ADH6: variants seen among roughly 807,000 people sequenced by gnomAD.
ADH6 encodes the protein alcohol dehydrogenase 6.
Under a neutral mutation model 36.5 loss-of-function variants are expected in ADH6, and 34 were observed. That is an observed-to-expected ratio of 0.93 (90% CI 0.71 to 1.24). The LOEUF is 1.24. Among genes scored for constraint, ADH6 ranks in the 50% most tolerant of loss-of-function variants. ADH6 has a pLI of 0.00. For missense variants in ADH6, 440 were observed against 447.0 expected (o/e 0.98, Z 0.14); for synonymous variants, 161 against 155.5 (o/e 1.04, Z -0.26).
intron 7 of ADH6, among the ~76,000 whole-genome samples, chr4:99,206,119 T>C (rs926624562): frequency 6.6e-6 from 1 of 152,070 alleles, no homozygotes; most frequent in Non-Finnish European, 1.5e-5. Context: ...TTCAACCAAA[T>C]GACATAGGAA....
intron 3 of ADH6, among the ~76,000 whole-genome samples, chr4:99,213,354 T>C (rs1448826300): frequency 1.3e-5 from 2 of 152,180 alleles, no homozygotes; most frequent in Admixed American, 6.6e-5. Context: ...TTTTGTCTCA[T>C]TTGTACTTTC....
In ADH6 at chr4:99,204,129, G is replaced by T; in HGVS notation, c.*90C>A. 6.9e-7 allele frequency: 1 copy of T among 1,443,752 alleles called. No individual in the cohort carries two copies. 89.4% of individuals were successfully genotyped at this position (1,443,752 alleles called of 1,614,324 possible). On this transcript the variant is annotated 3_prime_UTR_variant, in exon 9 of 9. Transcript: ENST00000394899. ...AAGTCAGAATATAGAAATGGGATTG[G>T]GTGAATAATTCTTCTAAATCATGAA...
intron 7 of ADH6, 144 bp downstream of exon 7, chr4:99,207,302 A>T: frequency 9.8e-7 from 1 of 1,015,938 alleles, no homozygotes; most frequent in Non-Finnish European, 1.4e-6. Flanking sequence ...CCATCCCTTT[A>T]TATTGGGTAT....
intron 1 of ADH6, 98 bp from the exon 2 acceptor site, chr4:99,216,360 G>C (rs1328677388): frequency 3.1e-6 from 2 of 654,916 alleles, no homozygotes; most frequent in Non-Finnish European, 4.7e-6. Flanking sequence ...AATTGGATTA[G>C]TCCAACTTTC....
At chr4:99,211,135 T>G (rs1182901090) in intron 3 of ADH6, among the ~76,000 whole-genome samples, 4 of 150,802 alleles carry the variant, frequency 2.7e-5, no homozygotes, top group Non-Finnish European at 5.9e-5. Flanking sequence ...GAAGATTTAG[T>G]TTCTTCTATT....
At chr4:99,207,640 C>T in intron 6 of ADH6, 59 bp from the exon 7 acceptor site, 2 of 1,539,718 alleles carry the variant, frequency 1.3e-6, no homozygotes, top group Non-Finnish European at 1.8e-6. Flanking sequence ...AGGATTGAGC[C>T]TACATCTTAA....
In ADH6 at chr4:99,213,711, C is replaced by G; in HGVS notation, c.157G>C (p.Val53Leu). The change falls in exon 3 of 9, where the codon GTG (valine) becomes CTG (leucine). Residue 53 changes from valine (V) to leucine (L), a missense_variant. Physicochemically the swap from Val to Leu is conservative, Grantham distance 32. Coordinates refer to ENST00000394899, the MANE Select transcript of ADH6 (RefSeq NM_001102470.2). ...ATGLCGTEMK[V>L]LGSKHLDLLY... ...AGGTCCAAGTGTTTACTCCCCAACA[C>G]TTTCATCTCTGTACCACACAGTCCG... 1 of 1,613,882 alleles carries G rather than the reference C, an allele frequency of 6.2e-7. No individual in the cohort carries two copies. The highest frequency in any genetic ancestry group is 1.7e-5 in the Admixed American group (1 of 59,946).
chr4:99,219,125 C>T lies in ADH6; in HGVS notation c.18+10G>A. On this transcript the variant is annotated intron_variant, in intron 1 of 8. Transcript: ENST00000394899. ...ATATGACACAACATAAAGAATAAGA[C>T]TGCACCTACTTGGCCTGTAGTACTC... 1 of 1,610,502 alleles carries T rather than the reference C, an allele frequency of 6.2e-7. No homozygotes were observed. The highest frequency in any genetic ancestry group is 8.5e-7 in the Non-Finnish European group (1 of 1,176,876).
intron 5 of ADH6, among the ~76,000 whole-genome samples, chr4:99,209,280 C>T (rs1238708809): frequency 6.6e-6 from 1 of 151,952 alleles, no homozygotes; most frequent in Non-Finnish European, 1.5e-5. Context: ...TATCTTCCTA[C>T]AACCATTTCT....
chr4:99,207,313 T>G, intron 7 of ADH6, 133 bp downstream of exon 7: 1 of 1,162,524 alleles, frequency 8.6e-7, no homozygotes, highest in Non-Finnish European at 1.2e-6. Context: ...TATTGGGTAT[T>G]CATATGTTGA....
chr4:99,218,209 C>T (rs4699734), intron 1 of ADH6, among the ~76,000 whole-genome samples: 13,755 of 152,160 alleles, frequency 0.09, 978 homozygotes, highest in Admixed American at 0.23. Flanking sequence ...CCTTCCACCA[C>T]GCTCTAGTGG....
intron 2 of ADH6, 60 bp from the exon 3 acceptor site, chr4:99,213,807 TTGTTGAC>T: frequency 7.0e-7 from 1 of 1,424,082 alleles, no homozygotes; most frequent in Non-Finnish European, 9.3e-7. Flanking sequence ...TGTTTTAGAG[TTGTTGAC>T]TGTAAGGCTT....
Position 99,210,475 on chromosome 4 carries a change from G to A in ADH6, c.290C>T (p.Pro97Leu). Residue 97 changes from proline (P) to leucine (L), a missense_variant, in exon 4 of 9, where the codon CCA (proline) becomes CTA (leucine). Transcript: ENST00000394899. The part of the protein sequence containing the change: ...PGDKVITLFL[P>L]QCGECTSCLN... ...GCAAGAGGTACATTCTCCACACTGT[G>A]GCAGAAAGAGTGTGATAACTTTGTC... The A allele has an allele frequency of 6.2e-7, 1 of 1,611,562 alleles. No homozygotes were observed. The highest frequency in any genetic ancestry group is 8.5e-7 in the Non-Finnish European group (1 of 1,178,958).
chr4:99,206,745 A>G (rs761301878), intron 7 of ADH6, among the ~76,000 whole-genome samples: 4 of 152,042 alleles, frequency 2.6e-5, no homozygotes, highest in Non-Finnish European at 5.9e-5. Flanking sequence ...AGGCATTCAG[A>G]TTGCCCAGAG....
chr4:99,215,352 G>A (rs1296032202), intron 2 of ADH6, among the ~76,000 whole-genome samples: 1 of 152,172 alleles, frequency 6.6e-6, no homozygotes, highest in East Asian at 1.9e-4. Flanking sequence ...AATAACAAAG[G>A]ACTCTGAACT....
Position 99,215,216 on chromosome 4 carries a change from A to C in ADH6, c.120+945T>G, listed in dbSNP as rs187139112. Among the ~76,000 whole-genome samples the C allele has an allele frequency of 9.9e-4, 151 of 152,274 alleles. 2 individuals carry two copies. Among genetic ancestry groups the C allele is most frequent in the Non-Finnish European group, 2.8e-4 (19 of 68,020 alleles). On this transcript the variant is annotated intron_variant, in intron 2 of 8. Transcript: ENST00000394899. ...TAGCCCACTGCTTACTCCATAGGGG[A>C]TGTAGGATGGAGAAGGCTCTCTGAG...
At chr4:99,216,355 G>T (rs138328991) in intron 1 of ADH6, 93 bp from the exon 2 acceptor site, 4 of 694,962 alleles carry the variant, frequency 5.8e-6, no homozygotes, top group African/African-American at 1.9e-5. Context: ...CATTAAATTG[G>T]ATTAGTCCAA....
intron 7 of ADH6, among the ~76,000 whole-genome samples, chr4:99,205,651 T>G (rs1731004765): frequency 6.6e-6 from 1 of 152,064 alleles, no homozygotes; most frequent in Non-Finnish European, 1.5e-5. Flanking sequence ...TAAGATGTAG[T>G]TTAGCATTGT....
intron 1 of ADH6, among the ~76,000 whole-genome samples, chr4:99,217,589 T>C (rs953508520): frequency 6.6e-6 from 1 of 152,232 alleles, no homozygotes; most frequent in Non-Finnish European, 1.5e-5. Context: ...ATTGTGTATA[T>C]GTACCGCATT....
Sources: allele counts gnomAD v4.1 joint callset (sites outside exome capture counted in the v4.1 genomes callset), GRCh38; gene constraint gnomAD v4.1.1; transcripts MANE v1.5; gene names NCBI Gene and HGNC (gene_info 2026-07-23, HGNC 2026-07-21).